The following TCF7L1 variants were observed in gnomAD, a reference collection of about 807,000 sequenced individuals.
TCF7L1 encodes the protein transcription factor 7 like 1, also known as transcription factor 7-like 1.
In TCF7L1, 18 loss-of-function variants were observed where a neutral mutation model predicts 63.7. The ratio of observed to expected loss-of-function variants is 0.28; its 90% CI spans 0.20 to 0.42. TCF7L1 has a LOEUF of 0.42. TCF7L1 is among the 10% of genes least tolerant of loss of function. The probability of loss-of-function intolerance (pLI) is 1.00; values close to 1 mark genes in which losing one functional copy is unlikely to be tolerated. For missense variants in TCF7L1, 654 were observed against 779.3 expected (o/e 0.84, Z 1.91); for synonymous variants, 355 against 340.9 (o/e 1.04, Z -0.46).
intron 4 of TCF7L1, among the ~76,000 whole-genome samples, chr2:85,286,376 A>C (rs889302583): frequency 2.0e-5 from 3 of 151,896 alleles, no homozygotes; most frequent in African/African-American, 7.3e-5. Context: ...ACAAACAAAA[A>C]AAAAAACTAA....
intron 3 of TCF7L1, among the ~76,000 whole-genome samples, chr2:85,202,886 T>C (rs1321107180): frequency 6.6e-6 from 1 of 152,128 alleles, no homozygotes; most frequent in Non-Finnish European, 1.5e-5. Flanking sequence ...CAGGCTGGAG[T>C]GCAGTGGTGC....
intron 3 of TCF7L1, among the ~76,000 whole-genome samples, chr2:85,227,977 G>A (rs1679993900): frequency 8.0e-6 from 1 of 124,342 alleles, no homozygotes; most frequent in South Asian, 2.7e-4. Flanking sequence ...GAGTGACAGA[G>A]CAAGACCCTG....
chr2:85,192,996 T>C (rs866803677), intron 3 of TCF7L1, among the ~76,000 whole-genome samples: 20 of 152,148 alleles, frequency 1.3e-4, no homozygotes, highest in Admixed American at 2.0e-4. Flanking sequence ...CTCTGTCTTA[T>C]CTAACTGGGT....
intron 3 of TCF7L1, among the ~76,000 whole-genome samples, chr2:85,239,399 T>C (rs1680273496): frequency 6.6e-6 from 1 of 152,102 alleles, no homozygotes; most frequent in Admixed American, 6.5e-5. Flanking sequence ...GGGCACAGTG[T>C]GGACTGTTTC....
In TCF7L1 at chr2:85,140,569, C is replaced by T. The variant is rs1054567453; in HGVS notation, c.441+6119C>T. 3.3e-5 allele frequency among the ~76,000 whole-genome samples: 5 copies of T among 152,084 alleles called. No individual in the cohort carries two copies. In the South Asian group the frequency reaches 8.3e-4, roughly 25 times the overall value. ...ATCCCAGCTCTTTGGGAGGTCAAGGCGGGTGGATCACCTGAGGTCAGGAGT... is the reference window on the plus strand; with the variant it reads ...ATCCCAGCTCTTTGGGAGGTCAAGGTGGGTGGATCACCTGAGGTCAGGAGT... On this transcript the variant is annotated intron_variant, in intron 3 of 11. Coordinates refer to ENST00000282111, the MANE Select transcript of TCF7L1 (RefSeq NM_031283.3).
chr2:85,239,628 A>T (rs1680278169), intron 3 of TCF7L1, among the ~76,000 whole-genome samples: 1 of 152,164 alleles, frequency 6.6e-6, no homozygotes, highest in African/African-American at 2.4e-5. Flanking sequence ...AGTAATTTTA[A>T]ATTTTCATGT....
chr2:85,213,661 G>A (rs1413323070), intron 3 of TCF7L1: 1 of 152,142 alleles, frequency 6.6e-6, no homozygotes, highest in Non-Finnish European at 1.5e-5. Context: ...ACCACCCTGG[G>A]AAGTGAAACT....
At chr2:85,146,268 A>G (rs1393339404) in intron 3 of TCF7L1, among the ~76,000 whole-genome samples, 1 of 152,182 alleles carries the variant, frequency 6.6e-6, no homozygotes, top group African/African-American at 2.4e-5. Flanking sequence ...CCAGAGGCCC[A>G]GAGTCACCTC....
chr2:85,236,234 T>C (rs1011815727), intron 3 of TCF7L1, among the ~76,000 whole-genome samples: 1 of 152,104 alleles, frequency 6.6e-6, no homozygotes, highest in Admixed American at 6.6e-5. Context: ...AAGTGAGTTA[T>C]TCACTCAAGC....
At chr2:85,150,420 G>T (rs747712521) in intron 3 of TCF7L1, among the ~76,000 whole-genome samples, 2 of 152,100 alleles carry the variant, frequency 1.3e-5, no homozygotes, top group African/African-American at 4.8e-5. Context: ...TTTTAGTAGA[G>T]ACGGGATTTC....
chr2:85,188,362 G>A (rs967671891), intron 3 of TCF7L1, among the ~76,000 whole-genome samples: 12 of 152,220 alleles, frequency 7.9e-5, no homozygotes, highest in Admixed American at 2.0e-4. Context: ...ATGCTAGTTA[G>A]CTATGCAAGA....
chr2:85,253,029 AG>A (rs1366840812), intron 3 of TCF7L1, among the ~76,000 whole-genome samples: 1 of 152,216 alleles, frequency 6.6e-6, no homozygotes, highest in South Asian at 2.1e-4. Context: ...ACATGGAAGA[AG>A]GTGGTCCCTG....
chr2:85,221,557 G>A lies in TCF7L1; in HGVS notation c.442-61938G>A, dbSNP rs149572363. On this transcript the variant is annotated intron_variant, in intron 3 of 11. Transcript: ENST00000282111. Reference sequence around the variant, plus strand: ...TACTGCATCGTCCTATAGCAGAAAGGCAAGAGAGTACGCCTGTGTGTGCAC... The same window carrying A: ...TACTGCATCGTCCTATAGCAGAAAGACAAGAGAGTACGCCTGTGTGTGCAC... Among the ~76,000 whole-genome samples the A allele has an allele frequency of 2.4e-3, 367 of 152,294 alleles. 2 individuals are homozygous for A. The highest frequency in any genetic ancestry group is 8.5e-3 in the African/African-American group (355 of 41,560).
chr2:85,168,192 AACAC>A (rs55736939), intron 3 of TCF7L1, among the ~76,000 whole-genome samples: 5,244 of 145,646 alleles, frequency 0.036, 286 homozygotes, highest in African/African-American at 0.11. Context: ...GTTCTTACCA[AACAC>A]ACACACACAC....
intron 3 of TCF7L1, among the ~76,000 whole-genome samples, chr2:85,139,815 G>A (rs1677679646): frequency 6.6e-6 from 1 of 152,164 alleles, no homozygotes; most frequent in Non-Finnish European, 1.5e-5. Flanking sequence ...AGGAGAAGGG[G>A]CCAGGACATG....
At chr2:85,185,324 C>T (rs370003431) in intron 3 of TCF7L1, among the ~76,000 whole-genome samples, 36 of 151,960 alleles carry the variant, frequency 2.4e-4, no homozygotes, top group African/African-American at 8.2e-4. Flanking sequence ...GTGGTGCTAT[C>T]GTAGCTCACT....
At chr2:85,208,161 C>G (rs946153249) in intron 3 of TCF7L1, among the ~76,000 whole-genome samples, 2 of 152,180 alleles carry the variant, frequency 1.3e-5, no homozygotes, top group African/African-American at 4.8e-5. Context: ...CAGCCTCGGC[C>G]TCCCAAAGTG....
chr2:85,289,797 G>A (rs998452988), intron 4 of TCF7L1, among the ~76,000 whole-genome samples: 12 of 149,248 alleles, frequency 8.0e-5, no homozygotes, highest in Admixed American at 2.7e-4. Context: ...TCAGCCTCCC[G>A]AGTACCTGGG....
rs115601727 is a variant in TCF7L1 at position 85,152,768 on chromosome 2, G to A, written c.441+18318G>A. On this transcript the variant is annotated intron_variant, in intron 3 of 11. Transcript: ENST00000282111. ...TTTTTTAAATGTACTCTTAATATTG[G>A]TGATTCTGTTCATCAATCCCCCTAC... Among the ~76,000 whole-genome samples the A allele has an allele frequency of 4.6e-3, 703 of 151,890 alleles. 17 individuals are homozygous for A. In the South Asian group the frequency reaches 0.071, roughly 15 times the overall value.
Sources: allele counts gnomAD v4.1 joint callset (sites outside exome capture counted in the v4.1 genomes callset), GRCh38; gene constraint gnomAD v4.1.1; transcripts MANE v1.5; gene names NCBI Gene and HGNC (gene_info 2026-07-23, HGNC 2026-07-21).